The following SAMD12 variants were observed in gnomAD, a reference collection of about 807,000 sequenced individuals.
SAMD12 encodes sterile alpha motif domain-containing protein 12.
A neutral mutation model predicts 15.0 loss-of-function variants in SAMD12; 9 were observed. The observed-to-expected ratio is 0.60, with a 90% CI of 0.36 to 1.05. SAMD12 has a LOEUF of 1.05. Ranked by LOEUF, SAMD12 falls within the 50% of genes least tolerant of loss-of-function variation. The probability of loss-of-function intolerance (pLI) is 0.01; values close to 1 mark genes in which losing one functional copy is unlikely to be tolerated. For synonymous variants in SAMD12, 86 were observed against 90.1 expected (o/e 0.96, Z 0.25); for missense variants, 230 against 234.2 (o/e 0.98, Z 0.12).
intron 3 of SAMD12, among the ~76,000 whole-genome samples, chr8:118,391,993 T>A (rs1820301559): frequency 6.6e-6 from 1 of 152,112 alleles, no homozygotes; most frequent in Non-Finnish European, 1.5e-5. Context: ...AGGGCTGGAT[T>A]AGCCAGTCAT....
At chr8:118,242,508 G>T (rs1812596499) in intron 4 of SAMD12, among the ~76,000 whole-genome samples, 1 of 152,026 alleles carries the variant, frequency 6.6e-6, no homozygotes, top group Non-Finnish European at 1.5e-5. Context: ...TGCTATAATT[G>T]TCCTATTATA....
At chr8:118,430,466 G>A (rs186092438) in intron 3 of SAMD12, among the ~76,000 whole-genome samples, 2 of 151,878 alleles carry the variant, frequency 1.3e-5, no homozygotes, top group African/African-American at 4.8e-5. Flanking sequence ...AGGTTCAAGC[G>A]ATTCTCCTGC....
intron 4 of SAMD12, chr8:118,282,393 C>T (rs894108429): frequency 4.6e-5 from 21 of 455,638 alleles, no homozygotes; most frequent in African/African-American, 1.4e-4. Context: ...GAAAGCTAAG[C>T]TCCAGCACCT....
intron 2 of SAMD12, among the ~76,000 whole-genome samples, chr8:118,441,285 A>T: frequency 6.6e-6 from 1 of 152,172 alleles, no homozygotes; most frequent in Non-Finnish European, 1.5e-5. Flanking sequence ...TTCTGTGGCA[A>T]TATCTTCTTT....
chr8:118,517,597 C>A (rs1825278332), intron 2 of SAMD12, among the ~76,000 whole-genome samples: 1 of 152,128 alleles, frequency 6.6e-6, no homozygotes, highest in South Asian at 2.1e-4. Flanking sequence ...ATTAGAAAAA[C>A]CACAACGGCC....
intron 2 of SAMD12, among the ~76,000 whole-genome samples, chr8:118,532,438 T>C (rs902639218): frequency 2.0e-5 from 3 of 152,220 alleles, no homozygotes; most frequent in Admixed American, 2.0e-4. Context: ...GATATCAGGA[T>C]GAGGCTGGCC....
At position 118,285,553 on chromosome 8, in the gene SAMD12, C is replaced by G. The variant is rs142296528; in HGVS notation, c.434-87821G>C. On this transcript the variant is annotated intron_variant, in intron 4 of 4. Transcript: ENST00000409003. ...ACCCCACTGCCATCCCTTCAATGAACGCCCACTATTGTGCAACAGCACGCT... is the reference window on the plus strand; with the variant it reads ...ACCCCACTGCCATCCCTTCAATGAAGGCCCACTATTGTGCAACAGCACGCT... 6.6e-3 allele frequency among the ~76,000 whole-genome samples: 1,011 copies of G among 152,300 alleles called. 14 individuals are homozygous for G. Among genetic ancestry groups the G allele is most frequent in the African/African-American group, 0.023 (962 of 41,558 alleles).
At chr8:118,463,506 A>G (rs375119152) in intron 2 of SAMD12, among the ~76,000 whole-genome samples, 2 of 152,082 alleles carry the variant, frequency 1.3e-5, no homozygotes, top group African/African-American at 4.8e-5. Context: ...AGGTTTGGGG[A>G]AAGGACCTGG....
At chr8:118,211,540 A>G (rs572456915) in intron 4 of SAMD12, among the ~76,000 whole-genome samples, 3 of 152,374 alleles carry the variant, frequency 2.0e-5, no homozygotes, top group South Asian at 4.1e-4. Context: ...CTGCTTTAAA[A>G]TAACAGTTTG....
Position 118,339,934 on chromosome 8 carries a change from T to A in SAMD12, c.433+39626A>T, listed in dbSNP as rs1418954312. 2.0e-5 allele frequency among the ~76,000 whole-genome samples: 3 copies of A among 152,378 alleles called. No homozygotes were observed. The East Asian group carries it at 5.8e-4, about 29-fold the overall frequency. ...AAAAGAATGTGCTACCCAGGCGGCA[T>A]GACCGGCATTTAATTTGCTGCCTGT... On this transcript the variant is annotated intron_variant, in intron 4 of 4. Transcript: ENST00000409003.
At chr8:118,379,836 A>T in intron 3 of SAMD12, 136 bp from the exon 4 acceptor site, 1 of 1,085,902 alleles carries the variant, frequency 9.2e-7, no homozygotes, top group Non-Finnish European at 1.3e-6. Context: ...AAGGTCTTCC[A>T]TTATTATTGC....
Position 118,291,673 on chromosome 8 carries a change from G to A in SAMD12, c.433+87887C>T, listed in dbSNP as rs372686722. On this transcript the variant is annotated intron_variant, in intron 4 of 4. Coordinates refer to the SAMD12 transcript ENST00000409003. ...ATTATCATCTATTATTATTTAGTTC[G>A]CAGAAAAATCTCTGTCATTTTTCTA... is the stretch of plus-strand genomic sequence containing the variant. Among the ~76,000 whole-genome samples the A allele has an allele frequency of 8.0e-4, 121 of 151,656 alleles. 1 individual carries two copies. Among genetic ancestry groups the A allele is most frequent in the South Asian group, 4.6e-3 (22 of 4,778 alleles).
At chr8:118,295,972 T>C (rs759175739) in intron 4 of SAMD12, among the ~76,000 whole-genome samples, 1 of 152,124 alleles carries the variant, frequency 6.6e-6, no homozygotes, top group Non-Finnish European at 1.5e-5. Flanking sequence ...CAGTTCACAC[T>C]GGGATGGGAA....
intron 2 of SAMD12, among the ~76,000 whole-genome samples, chr8:118,529,682 A>G (rs748361515): frequency 1.1e-4 from 17 of 152,182 alleles, no homozygotes; most frequent in Non-Finnish European, 2.1e-4. Context: ...CACTTAGACT[A>G]TGGCTTCCAG....
At chr8:118,249,880 G>A (rs1182751884) in intron 4 of SAMD12, among the ~76,000 whole-genome samples, 1 of 152,128 alleles carries the variant, frequency 6.6e-6, no homozygotes, top group Non-Finnish European at 1.5e-5. Context: ...TCCTGGAGAA[G>A]GCATTAAGTA....
chr8:118,571,782 G>GTTCA (rs1827018463), intron 2 of SAMD12, among the ~76,000 whole-genome samples: 1 of 152,228 alleles, frequency 6.6e-6, no homozygotes, highest in Non-Finnish European at 1.5e-5. Flanking sequence ...ATGCCTGGAT[G>GTTCA]TTCAGGCAGA....
chr8:118,420,464 C>A (rs1276033706), intron 3 of SAMD12, among the ~76,000 whole-genome samples: 1 of 152,152 alleles, frequency 6.6e-6, no homozygotes, highest in African/African-American at 2.4e-5. Flanking sequence ...CAGGGAATAA[C>A]TGCAAACAGT....
At chr8:118,577,644 CAGAG>C (rs1371381596) in intron 2 of SAMD12, among the ~76,000 whole-genome samples, 1 of 152,140 alleles carries the variant, frequency 6.6e-6, no homozygotes, top group Non-Finnish European at 1.5e-5. Flanking sequence ...CAGAAGCAAA[CAGAG>C]AGAATGTCAA....
At chr8:118,477,900 G>A (rs536683443) in intron 2 of SAMD12, among the ~76,000 whole-genome samples, 3 of 151,496 alleles carry the variant, frequency 2.0e-5, no homozygotes, top group South Asian at 2.1e-4. Flanking sequence ...CTGTAGTCCC[G>A]GCTACTCGGA....
Sources: gnomAD v4.1 joint callset for allele counts (sites outside exome capture counted in the v4.1 genomes callset) on GRCh38, gnomAD v4.1.1 for gene constraint, MANE v1.5 for transcripts, NCBI Gene and HGNC (gene_info 2026-07-23, HGNC 2026-07-21) for gene names.